Variants in UNC80 observed in about 807,000 individuals in gnomAD.
UNC80 encodes the protein unc-80 subunit of NALCN channel complex.
A neutral mutation model predicts 384.6 loss-of-function variants in UNC80; 164 were observed. The ratio of observed to expected loss-of-function variants is 0.43; its 90% CI spans 0.38 to 0.49. The LOEUF is 0.49. UNC80 is among the 20% of genes least tolerant of loss of function. UNC80 has a pLI of 0.00. For synonymous variants in UNC80, 1,486 were observed against 1,527.8 expected (o/e 0.97, Z 0.64); for missense variants, 3,330 against 4,143.0 (o/e 0.80, Z 5.39).
At chr2:209,887,344 A>G (rs2124906159) in intron 25 of UNC80, among the ~76,000 whole-genome samples, 1 of 151,834 alleles carries the variant, frequency 6.6e-6, no homozygotes, top group East Asian at 1.9e-4. Context: ...CGGCCCCTCC[A>G]TCTTTATAGC....
intron 11 of UNC80, 41 bp downstream of exon 11, chr2:209,817,993 C>G: frequency 6.5e-7 from 1 of 1,547,860 alleles, no homozygotes; most frequent in Non-Finnish European, 8.7e-7. Flanking sequence ...GTTCAGAGTT[C>G]TTTTTTTGTT....
chr2:209,919,090 T>C (rs1431724971), intron 33 of UNC80, among the ~76,000 whole-genome samples: 3 of 152,206 alleles, frequency 2.0e-5, no homozygotes, highest in Middle Eastern at 3.2e-3. Context: ...ATTTTGTTGA[T>C]TATCAGTGTC....
intron 32 of UNC80, among the ~76,000 whole-genome samples, 161 bp downstream of exon 32, chr2:209,918,119 TA>T (rs1423809677): frequency 6.6e-6 from 1 of 152,140 alleles, no homozygotes; most frequent in Non-Finnish European, 1.5e-5. Flanking sequence ...TTCCTACTGT[TA>T]AAAAATTAAA....
Position 209,937,611 on chromosome 2 carries a change from AG to A in UNC80, c.6448del (p.Glu2150SerfsTer15). On this transcript the variant is annotated frameshift_variant, in exon 42 of 65. Transcript: ENST00000673920. LOFTEE classifies it high-confidence loss of function. ...NLVHMHPEKGQELIQKQVFTR... is the reference protein window; with the variant it reads ...NLVHMHPEKGXELIQKQVFTR... ...GTACATATGCATCCAGAGAAGGGAC[AG>A]GAGCTCATTCAGAAACAGGTGACAG... 1 of 1,551,644 alleles carries A rather than the reference AG, an allele frequency of 6.4e-7. No individual in the cohort carries two copies. The highest frequency in any genetic ancestry group is 8.7e-7 in the Non-Finnish European group (1 of 1,146,582).
intron 6 of UNC80, among the ~76,000 whole-genome samples, chr2:209,790,307 G>A (rs780785986): frequency 2.6e-5 from 4 of 152,044 alleles, no homozygotes; most frequent in Non-Finnish European, 5.9e-5. Context: ...GCTGCCTTCC[G>A]TCAAAATTGG....
intron 22 of UNC80, among the ~76,000 whole-genome samples, chr2:209,851,286 A>G (rs1196631050): frequency 6.6e-6 from 1 of 152,098 alleles, no homozygotes; most frequent in Non-Finnish European, 1.5e-5. Flanking sequence ...AAGCAGCAGG[A>G]TTTGATTAGG....
rs1339274829 is a variant in UNC80 at position 209,844,757 on chromosome 2, AT to A, written c.3454+2314del. ...GACATGCACCACCATGCCCCACTAA[AT>A]TTGTTTTACATTTTTTGTAGAGATG... On this transcript the variant is annotated intron_variant, in intron 21 of 64. Coordinates refer to ENST00000673920, the MANE Select transcript of UNC80 (RefSeq NM_001371986.1). Among the ~76,000 whole-genome samples, 3 of 150,570 alleles carry A rather than the reference AT, an allele frequency of 2.0e-5. No individual in the cohort carries two copies. In the East Asian group the frequency reaches 5.9e-4, roughly 30 times the overall value.
chr2:209,964,131 A>G (rs1019059481), intron 51 of UNC80, among the ~76,000 whole-genome samples: 1 of 152,218 alleles, frequency 6.6e-6, no homozygotes, highest in Non-Finnish European at 1.5e-5. Flanking sequence ...TTCACTCTTC[A>G]GTTCTCTTGG....
intron 6 of UNC80, among the ~76,000 whole-genome samples, chr2:209,790,476 A>G (rs2077726821): frequency 6.6e-6 from 1 of 152,176 alleles, no homozygotes; most frequent in Admixed American, 6.5e-5. Context: ...TTTCACATTT[A>G]ACATCTTTGA....
At position 209,840,561 on chromosome 2, in the gene UNC80, A is replaced by C. The variant is rs549201720; in HGVS notation, c.3270A>C (p.Ser1090=). 11 of 1,551,790 alleles carry C rather than the reference A, an allele frequency of 7.1e-6. 1 individual carries two copies. The African/African-American group carries it at 1.4e-4, about 19-fold the overall frequency. ...AAATAGGGAACTGGCTGAAGAGATC[A>C]TCCCTCTCAGGCCTGGCAGATGGTG... ...KLPIGNWLKR[S]SLSGLADGVE... is the part of the protein sequence containing the mutation. The change falls in exon 20 of 65, where the codon TCA becomes TCC. Residue 1090 remains serine (S), a synonymous_variant. Coordinates refer to ENST00000673920, the MANE Select transcript of UNC80 (RefSeq NM_001371986.1).
chr2:209,977,215 C>T, intron 58 of UNC80, 137 bp downstream of exon 58: 1 of 849,400 alleles, frequency 1.2e-6, no homozygotes, highest in Non-Finnish European at 1.6e-6. Context: ...TAGATTTGAC[C>T]ATTTCTAATA....
chr2:209,772,559 C>G (rs1419650276), intron 1 of UNC80, among the ~76,000 whole-genome samples: 1 of 151,984 alleles, frequency 6.6e-6, no homozygotes. Context: ...TCCTGTTTGG[C>G]GAATATCTGC....
intron 17 of UNC80, 28 bp downstream of exon 17, chr2:209,834,196 A>T: frequency 1.3e-6 from 2 of 1,549,220 alleles, no homozygotes; most frequent in Non-Finnish European, 1.7e-6. Flanking sequence ...TCTGAATATT[A>T]CTGTTTGCCT....
At chr2:209,773,310 A>T (rs578236062) in intron 2 of UNC80, among the ~76,000 whole-genome samples, 168 bp downstream of exon 2, 1 of 152,402 alleles carries the variant, frequency 6.6e-6, no homozygotes, top group South Asian at 2.1e-4. Context: ...TAGAACAATG[A>T]TAAAAACAAA....
chr2:209,979,984 G>T (rs1397842652), intron 59 of UNC80, among the ~76,000 whole-genome samples: 1 of 152,194 alleles, frequency 6.6e-6, no homozygotes, highest in East Asian at 1.9e-4. Flanking sequence ...TAAATGCTTT[G>T]TCAGTACTTA....
intron 35 of UNC80, among the ~76,000 whole-genome samples, chr2:209,926,276 G>A (rs752893163): frequency 5.9e-5 from 9 of 152,260 alleles, no homozygotes; most frequent in South Asian, 2.1e-4. Flanking sequence ...ATTGTGAACC[G>A]ATCCACTTGT....
intron 7 of UNC80, chr2:209,809,472 C>T: frequency 7.1e-7 from 1 of 1,413,726 alleles, no homozygotes; most frequent in South Asian, 1.1e-5. Context: ...ACCTCCAGAC[C>T]CACTTGGACG....
chr2:209,936,715 A>G (rs1291115249), intron 40 of UNC80, 129 bp from the exon 41 acceptor site: 8 of 643,802 alleles, frequency 1.2e-5, no homozygotes, highest in Non-Finnish European at 2.2e-5. Context: ...TACATAAGAC[A>G]TCAATATATA....
At position 209,894,152 on chromosome 2, in the gene UNC80, T is replaced by G; in HGVS notation, c.4277-11T>G. 1.0e-6 allele frequency: 1 copy of G among 985,364 alleles called. No individual in the cohort carries two copies. Among genetic ancestry groups the G allele is most frequent in the Non-Finnish European group, 1.2e-6 (1 of 829,892 alleles). 61.0% of individuals were successfully genotyped at this position (985,364 alleles called of 1,614,324 possible). Reference sequence around the variant, plus strand: ...GGGGGGAAAAAGCCCTATTTTATTCTTTTAATACAGTTCCCAGCAGGAAGA... The same window carrying G: ...GGGGGGAAAAAGCCCTATTTTATTCGTTTAATACAGTTCCCAGCAGGAAGA... On this transcript the variant is annotated splice_polypyrimidine_tract_variant and intron_variant, in intron 26 of 64. Coordinates refer to ENST00000673920, the MANE Select transcript of UNC80 (RefSeq NM_001371986.1).
Sources: gnomAD v4.1 joint callset for allele counts (sites outside exome capture counted in the v4.1 genomes callset) on GRCh38, gnomAD v4.1.1 for gene constraint, MANE v1.5 for transcripts, NCBI Gene and HGNC (gene_info 2026-07-23, HGNC 2026-07-21) for gene names.